EPB41L3: variants seen among roughly 807,000 people sequenced by gnomAD.
The protein encoded by EPB41L3 is band 4.1-like protein 3.
Under a neutral mutation model 127.1 loss-of-function variants are expected in EPB41L3, and 57 were observed. The ratio of observed to expected loss-of-function variants is 0.45; its 90% CI spans 0.36 to 0.56. The LOEUF (loss-of-function observed/expected upper bound fraction) is 0.56. Ranked by LOEUF, EPB41L3 falls within the 20% of genes least tolerant of loss-of-function variation. The pLI, the probability that EPB41L3 is intolerant of heterozygous loss-of-function variation, is 0.00. For missense variants in EPB41L3, 1,273 were observed against 1,372.2 expected, an observed-to-expected ratio of 0.93 and a Z score of 1.14; for synonymous variants, 572 against 549.5, an observed-to-expected ratio of 1.04 and a Z score of -0.57.
At chr18:5,511,389 T>TG (rs2092504311) in intron 1 of EPB41L3, among the ~76,000 whole-genome samples, 2 of 141,590 alleles carry the variant, frequency 1.4e-5, no homozygotes, top group African/African-American at 5.3e-5. Context: ...GGAGGTATTT[T>TG]GGTTTTTTTT....
chr18:5,592,781 G>A (rs1359292541), intron 3 of EPB41L3, among the ~76,000 whole-genome samples: 3 of 152,200 alleles, frequency 2.0e-5, no homozygotes, highest in South Asian at 2.1e-4. Flanking sequence ...GTTACCAACT[G>A]CAACTGTGCA....
intron 1 of EPB41L3, chr18:5,540,611 G>C (rs925313296): frequency 1.1e-6 from 1 of 942,850 alleles, no homozygotes; most frequent in African/African-American, 1.8e-5. Flanking sequence ...TCAGCAGCTA[G>C]CTAGCCGTTT....
intron 3 of EPB41L3, among the ~76,000 whole-genome samples, chr18:5,552,918 A>G (rs761308247): frequency 6.6e-6 from 1 of 152,220 alleles, no homozygotes; most frequent in Non-Finnish European, 1.5e-5. Flanking sequence ...ACAGTCAAAT[A>G]AATACATACA....
intron 3 of EPB41L3, among the ~76,000 whole-genome samples, chr18:5,586,837 CATTT>C (rs2143413237): frequency 6.6e-6 from 1 of 152,248 alleles, no homozygotes; most frequent in South Asian, 2.1e-4. Context: ...CAACATAACA[CATTT>C]ACAGGCAGGT....
At chr18:5,408,057 G>C (rs2075704243) in intron 14 of EPB41L3, among the ~76,000 whole-genome samples, 1 of 152,168 alleles carries the variant, frequency 6.6e-6, no homozygotes, top group Non-Finnish European at 1.5e-5. Context: ...TTCAGGAAGT[G>C]GGGGGAGCCA....
Position 5,410,618 on chromosome 18 carries a change from G to A in EPB41L3, c.2069C>T (p.Thr690Ile), listed in dbSNP as rs763791646. The A allele has an allele frequency of 6.2e-7, 1 of 1,613,302 alleles. No homozygotes were observed. Among genetic ancestry groups the A allele is most frequent in the Non-Finnish European group, 8.5e-7 (1 of 1,179,466 alleles). Residue 690 changes from threonine (T) to isoleucine (I), a missense_variant and splice_region_variant, in exon 14 of 23, where the codon ACT becomes ATT. By Grantham distance (89) the Thr-to-Ile change is moderately conservative. This residue lies in a region of EPB41L3 where 765 missense variants were observed against 782.9 expected (regional missense o/e 0.98). Coordinates refer to ENST00000341928, the MANE Select transcript of EPB41L3 (RefSeq NM_012307.5). ...NDPSDSSEEETDSERTDTAAD... is the reference protein window; with the variant it reads ...NDPSDSSEEEIDSERTDTAAD... The stretch of plus-strand genomic sequence containing the variant: ...TGCGGTGTCCGTGCGCTCACTGTCA[G>A]TCTGTTGACCACAGAAGTGATCAGG...
chr18:5,485,903 C>T (rs1477007847), intron 2 of EPB41L3, among the ~76,000 whole-genome samples: 1 of 151,952 alleles, frequency 6.6e-6, no homozygotes, highest in South Asian at 2.1e-4. Flanking sequence ...GTTAAAATGG[C>T]AATACTACCC....
chr18:5,407,386 T>C (rs972459464), intron 15 of EPB41L3: 7 of 417,870 alleles, frequency 1.7e-5, no homozygotes, highest in Admixed American at 4.1e-5. Flanking sequence ...GGTATTACAC[T>C]AAAAGAAAAA....
chr18:5,621,790 A>G (rs2094865645), intron 1 of EPB41L3, among the ~76,000 whole-genome samples: 1 of 152,210 alleles, frequency 6.6e-6, no homozygotes, highest in Non-Finnish European at 1.5e-5. Context: ...AAAACATGAA[A>G]GTGTAACAGT....
At chr18:5,625,715 AG>A (rs1481338784) in intron 1 of EPB41L3, among the ~76,000 whole-genome samples, 3 of 152,196 alleles carry the variant, frequency 2.0e-5, no homozygotes, top group Non-Finnish European at 4.4e-5. Context: ...CCTAAAAGCC[AG>A]GTCATATTCT....
chr18:5,538,160 T>C (rs1222900467), intron 1 of EPB41L3, among the ~76,000 whole-genome samples: 1 of 152,186 alleles, frequency 6.6e-6, no homozygotes, highest in Non-Finnish European at 1.5e-5. Flanking sequence ...ATAAACAAAA[T>C]AGATTGGCCA....
At position 5,397,546 on chromosome 18, in the gene EPB41L3, C is replaced by T; in HGVS notation, c.2473-120G>A. On this transcript the variant is annotated intron_variant, in intron 17 of 22. Coordinates refer to ENST00000341928, the MANE Select transcript of EPB41L3 (RefSeq NM_012307.5). This position sits in a 1 kb window ranked among gnomAD's most constrained non-coding sequence, Gnocchi z 4.1. ...AGCAGCAAGTGCTTATAACCAGAAACACTGACGAAAAATATAAATTAGCTT... is the reference window on the plus strand; with the variant it reads ...AGCAGCAAGTGCTTATAACCAGAAATACTGACGAAAAATATAAATTAGCTT... 1 of 1,216,000 alleles carries T rather than the reference C, an allele frequency of 8.2e-7. No individual in the cohort carries two copies. Among genetic ancestry groups the T allele is most frequent in the Non-Finnish European group, 1.1e-6 (1 of 881,918 alleles). 75.3% of individuals were successfully genotyped at this position (1,216,000 alleles called of 1,614,324 possible).
At chr18:5,500,155 T>C (rs1325250991) in intron 1 of EPB41L3, among the ~76,000 whole-genome samples, 1 of 152,180 alleles carries the variant, frequency 6.6e-6, no homozygotes, top group Non-Finnish European at 1.5e-5. Context: ...TTTCAAGATA[T>C]AAATGTCCAA....
intron 8 of EPB41L3, among the ~76,000 whole-genome samples, chr18:5,429,786 A>G (rs559713174): frequency 2.6e-5 from 4 of 152,348 alleles, no homozygotes; most frequent in South Asian, 4.1e-4. Flanking sequence ...CAAAGACTGG[A>G]AACTGCCCAC....
chr18:5,466,468 G>A (rs1243367578), intron 3 of EPB41L3: 4 of 152,084 alleles, frequency 2.6e-5, no homozygotes, highest in African/African-American at 4.8e-5. Context: ...ATGTCTCCAC[G>A]ACAGGGCCTT....
intron 1 of EPB41L3, among the ~76,000 whole-genome samples, chr18:5,625,831 C>T (rs942168011): frequency 1.3e-5 from 2 of 152,192 alleles, no homozygotes; most frequent in Non-Finnish European, 2.9e-5. Flanking sequence ...AATGAGCTGA[C>T]TTCAGAAGGG....
intron 1 of EPB41L3, among the ~76,000 whole-genome samples, chr18:5,526,215 T>C (rs2093215956): frequency 6.6e-6 from 1 of 152,160 alleles, no homozygotes; most frequent in Admixed American, 6.5e-5. Context: ...CATCCTAAAA[T>C]CAGTGAAATC....
chr18:5,624,572 A>C (rs571869355), intron 1 of EPB41L3, among the ~76,000 whole-genome samples: 1 of 152,246 alleles, frequency 6.6e-6, no homozygotes, highest in South Asian at 2.1e-4. Flanking sequence ...CTGTTTTTCC[A>C]CTTTGTCTTG....
intron 2 of EPB41L3, among the ~76,000 whole-genome samples, chr18:5,484,103 A>AAAAAAAAAAAAAAAAAAAC (rs2089212378): frequency 7.7e-6 from 1 of 130,352 alleles, no homozygotes; most frequent in Admixed American, 7.5e-5. Context: ...AAAAAAAAAA[A>AAAAAAAAAAAAAAAAAAAC]AAAAAAAAAA....
Sources: allele counts gnomAD v4.1 joint callset (sites outside exome capture counted in the v4.1 genomes callset), GRCh38; gene constraint gnomAD v4.1.1; regional missense constraint gnomAD v4.1.1; non-coding constraint Gnocchi (gnomAD v3.1); transcripts MANE v1.5; gene names NCBI Gene and HGNC (gene_info 2026-07-23, HGNC 2026-07-21).